IFTAP: variants seen among roughly 807,000 people sequenced by gnomAD.
The protein encoded by IFTAP is intraflagellar transport associated protein.
In IFTAP, 19 loss-of-function variants were observed where a neutral mutation model predicts 19.4. That is an observed-to-expected ratio of 0.98 (90% CI 0.68 to 1.44). The LOEUF is 1.44. IFTAP is among the 40% of genes most tolerant of loss of function. IFTAP has a pLI of 0.00. For missense variants in IFTAP, 240 were observed against 253.6 expected, an observed-to-expected ratio of 0.95 and a Z score of 0.36; for synonymous variants, 85 against 83.5, an observed-to-expected ratio of 1.02 and a Z score of -0.10.
At chr11:36,608,574 A>T (rs1192135306) in intron 1 of IFTAP, among the ~76,000 whole-genome samples, 1 of 152,224 alleles carries the variant, frequency 6.6e-6, no homozygotes, top group South Asian at 2.1e-4. Context: ...GAAATATCAT[A>T]AGTGAAAATG....
Position 36,610,847 on chromosome 11 carries a change from T to A in IFTAP, c.136+608T>A, listed in dbSNP as rs1851854376. 2.0e-5 allele frequency among the ~76,000 whole-genome samples: 3 copies of A among 152,178 alleles called. No homozygotes were observed. In the South Asian group the frequency reaches 6.2e-4, roughly 32 times the overall value. On this transcript the variant is annotated intron_variant, in intron 2 of 5. Transcript: ENST00000334307. ...CTGCTGCTGCTGCTGCTGTTGTGGT[T>A]TCTGTAGAATGGAAACAACCCTTTA... is the stretch of plus-strand genomic sequence containing the variant.
At chr11:36,645,170 T>C (rs989360975) in intron 4 of IFTAP, among the ~76,000 whole-genome samples, 4 of 152,144 alleles carry the variant, frequency 2.6e-5, no homozygotes, top group African/African-American at 7.2e-5. Flanking sequence ...AATATTATTG[T>C]ATATAAATTT....
At chr11:36,627,698 C>T (rs542023417) in intron 2 of IFTAP, among the ~76,000 whole-genome samples, 1 of 151,272 alleles carries the variant, frequency 6.6e-6, no homozygotes, top group South Asian at 2.1e-4. Flanking sequence ...TGTGGGCCAC[C>T]TCTTTTGTGG....
intron 5 of IFTAP, among the ~76,000 whole-genome samples, chr11:36,655,733 A>G (rs879637925): frequency 2.0e-5 from 3 of 152,170 alleles, no homozygotes; most frequent in Non-Finnish European, 2.9e-5. Context: ...TCAGTATCTA[A>G]CTGATTGCCT....
intron 5 of IFTAP, among the ~76,000 whole-genome samples, chr11:36,656,640 T>C (rs1016826903): frequency 3.9e-5 from 6 of 152,106 alleles, no homozygotes; most frequent in African/African-American, 7.2e-5. Flanking sequence ...CTTTTTTGCA[T>C]TCCTCTATTG....
At chr11:36,605,905 T>C (rs79092353) in intron 1 of IFTAP, among the ~76,000 whole-genome samples, 1 of 152,178 alleles carries the variant, frequency 6.6e-6, no homozygotes, top group African/African-American at 2.4e-5. Context: ...CTTTTTCTTT[T>C]AGAAAAATAC....
chr11:36,631,720 G>A (rs1432930320), intron 2 of IFTAP, among the ~76,000 whole-genome samples: 1 of 151,170 alleles, frequency 6.6e-6, no homozygotes, highest in Non-Finnish European at 1.5e-5. Flanking sequence ...GCTAGTAAGG[G>A]GATGGAGTAG....
intron 1 of IFTAP, among the ~76,000 whole-genome samples, chr11:36,606,946 T>C (rs1487414114): frequency 2.0e-5 from 3 of 152,238 alleles, no homozygotes; most frequent in Admixed American, 6.5e-5. Context: ...TTTGCATTGC[T>C]AAAGCCTGGT....
At chr11:36,656,699 C>T (rs1329464316) in intron 5 of IFTAP, among the ~76,000 whole-genome samples, 1 of 151,954 alleles carries the variant, frequency 6.6e-6, no homozygotes, top group Non-Finnish European at 1.5e-5. Context: ...TTTGTCTTCT[C>T]CTTGAAGTTA....
chr11:36,603,793 G>A (rs1851592501), intron 1 of IFTAP, among the ~76,000 whole-genome samples: 1 of 151,876 alleles, frequency 6.6e-6, no homozygotes. Flanking sequence ...GTGGTGGTGT[G>A]CGCCTGTAAT....
chr11:36,618,854 G>T (rs1852194010), intron 2 of IFTAP, among the ~76,000 whole-genome samples: 1 of 152,024 alleles, frequency 6.6e-6, no homozygotes, highest in Non-Finnish European at 1.5e-5. Flanking sequence ...CTGGAGTCAG[G>T]GAGACTAGCT....
chr11:36,628,080 A>G (rs941072688), intron 2 of IFTAP, among the ~76,000 whole-genome samples: 2 of 148,572 alleles, frequency 1.3e-5, no homozygotes, highest in Non-Finnish European at 3.0e-5. Flanking sequence ...CTGGGTTACT[A>G]TGGTAGCTCC....
chr11:36,622,155 A>G (rs891048758), intron 2 of IFTAP, among the ~76,000 whole-genome samples: 5 of 150,556 alleles, frequency 3.3e-5, no homozygotes, highest in Non-Finnish European at 7.4e-5. Context: ...AAAGACATAT[A>G]TAATTTAAGT....
intron 2 of IFTAP, among the ~76,000 whole-genome samples, chr11:36,621,853 T>G (rs777827760): frequency 3.9e-5 from 6 of 152,040 alleles, no homozygotes; most frequent in Non-Finnish European, 8.8e-5. Flanking sequence ...GAAGGCAGAA[T>G]AGCAATCTAT....
intron 2 of IFTAP, among the ~76,000 whole-genome samples, chr11:36,621,517 T>G (rs1485175134): frequency 6.6e-6 from 1 of 151,988 alleles, no homozygotes; most frequent in Non-Finnish European, 1.5e-5. Context: ...ATTATATCAT[T>G]TTCATGTGTT....
At chr11:36,635,560 T>C (rs927975928) in intron 3 of IFTAP, among the ~76,000 whole-genome samples, 4 of 152,192 alleles carry the variant, frequency 2.6e-5, no homozygotes, top group African/African-American at 9.7e-5. Flanking sequence ...GATTTTGTTT[T>C]GAATGAACTT....
At chr11:36,639,704 C>T (rs1853118243) in intron 4 of IFTAP, among the ~76,000 whole-genome samples, 1 of 152,092 alleles carries the variant, frequency 6.6e-6, no homozygotes, top group Non-Finnish European at 1.5e-5. Flanking sequence ...GAGAATGGCA[C>T]CAAGCCGTTC....
At chr11:36,644,043 C>A (rs1263337120) in intron 4 of IFTAP, among the ~76,000 whole-genome samples, 2 of 152,104 alleles carry the variant, frequency 1.3e-5, no homozygotes, top group African/African-American at 2.4e-5. Context: ...AAAGAAACTA[C>A]CATCAGAGTG....
intron 2 of IFTAP, among the ~76,000 whole-genome samples, chr11:36,613,679 C>T (rs1371908208): frequency 1.3e-5 from 2 of 151,952 alleles, no homozygotes; most frequent in Non-Finnish European, 2.9e-5. Context: ...AACTACTGAA[C>T]CCAAACTTGC....
Sources: allele counts gnomAD v4.1 joint callset (sites outside exome capture counted in the v4.1 genomes callset), GRCh38; gene constraint gnomAD v4.1.1; transcripts MANE v1.5; gene names NCBI Gene and HGNC (gene_info 2026-07-23, HGNC 2026-07-21).